Variants in P4HA3 observed in about 807,000 individuals in gnomAD.
P4HA3 encodes prolyl 4-hydroxylase subunit alpha 3.
In P4HA3, 60 loss-of-function variants were observed where a neutral mutation model predicts 66.7. The ratio of observed to expected loss-of-function variants is 0.90; its 90% CI spans 0.73 to 1.12. The LOEUF (loss-of-function observed/expected upper bound fraction) is 1.12. Ranked by LOEUF, P4HA3 falls within the 50% of genes most tolerant of loss-of-function variation. The pLI, the probability that P4HA3 is intolerant of heterozygous loss-of-function variation, is 0.00. For synonymous variants in P4HA3, 263 were observed against 274.6 expected (o/e 0.96, Z 0.42); for missense variants, 683 against 685.8 (o/e 1.00, Z 0.05).
At chr11:74,250,847 G>GGTT in intron 15 of P4HA3, 1 of 873,696 alleles carries the variant, frequency 1.1e-6, no homozygotes, top group Non-Finnish European at 1.9e-6. Context: ...ATTGAGGTGA[G>GGTT]GTTGGAAATG....
intron 1 of P4HA3, among the ~76,000 whole-genome samples, chr11:74,305,883 T>C (rs1861565999): frequency 6.6e-6 from 1 of 152,116 alleles, no homozygotes; most frequent in African/African-American, 2.4e-5. Context: ...CACAGTTTAG[T>C]GAGTAAGAAA....
At chr11:74,258,863 G>T (rs1859865601) in intron 15 of P4HA3, among the ~76,000 whole-genome samples, 1 of 151,620 alleles carries the variant, frequency 6.6e-6, no homozygotes, top group African/African-American at 2.4e-5. Flanking sequence ...AAGTATCCAA[G>T]TATAGTAAAA....
At chr11:74,254,079 A>G (rs1419102500) in intron 15 of P4HA3, 7 of 153,568 alleles carry the variant, frequency 4.6e-5, no homozygotes, top group Non-Finnish European at 5.8e-5. Context: ...GGTGGTGGAT[A>G]GCATCACAAG....
Position 74,308,627 on chromosome 11 carries a change from A to G in P4HA3, c.200+2785T>C, listed in dbSNP as rs568550153. On this transcript the variant is annotated intron_variant, in intron 1 of 12. Coordinates refer to ENST00000331597, the MANE Select transcript of P4HA3 (RefSeq NM_182904.5). ...AGTCTTCAAAATATCAAACTAAACTACAAAATTAACTGTTCATAAGTCACC... is the reference window on the plus strand; with the variant it reads ...AGTCTTCAAAATATCAAACTAAACTGCAAAATTAACTGTTCATAAGTCACC... Among the ~76,000 whole-genome samples, 3 of 152,338 alleles carry G rather than the reference A, an allele frequency of 2.0e-5. No individual in the cohort carries two copies. In the South Asian group the frequency reaches 6.2e-4, roughly 32 times the overall value.
At chr11:74,279,195 A>G (rs1012209587) in intron 8 of P4HA3, among the ~76,000 whole-genome samples, 193 bp downstream of exon 8, 3 of 152,162 alleles carry the variant, frequency 2.0e-5, no homozygotes, top group Admixed American at 6.5e-5. Flanking sequence ...TTCTAGTTAA[A>G]CCCTCAGATG....
At chr11:74,251,345 G>C in intron 15 of P4HA3, 4 of 1,354,410 alleles carry the variant, frequency 3.0e-6, no homozygotes, top group Non-Finnish European at 3.8e-6. Flanking sequence ...TAAACCACAG[G>C]CACAGTTAGG....
intron 15 of P4HA3, chr11:74,253,555 T>TA (rs1385942057): frequency 2.5e-6 from 4 of 1,571,384 alleles, no homozygotes; most frequent in Non-Finnish European, 2.6e-6. Context: ...CTGTTGTAAA[T>TA]ACGTCGCACC....
chr11:74,251,029 T>A, intron 15 of P4HA3: 1 of 1,586,406 alleles, frequency 6.3e-7, no homozygotes, highest in Non-Finnish European at 8.6e-7. Context: ...GTGAGTCTGG[T>A]GCTCAGTGAC....
chr11:74,304,064 G>A (rs1861501446), intron 2 of P4HA3, among the ~76,000 whole-genome samples: 1 of 152,130 alleles, frequency 6.6e-6, no homozygotes, highest in Admixed American at 6.5e-5. Flanking sequence ...TGAGACAATT[G>A]ATATGAAAGT....
At chr11:74,291,392 C>T (rs1257302037) in intron 4 of P4HA3, among the ~76,000 whole-genome samples, 1 of 152,164 alleles carries the variant, frequency 6.6e-6, no homozygotes, top group Admixed American at 6.5e-5. Flanking sequence ...CATCTGCAAA[C>T]AGGGACAATT....
intron 12 of P4HA3, 79 bp from the exon 13 acceptor site, chr11:74,267,397 A>G: frequency 6.5e-7 from 1 of 1,533,090 alleles, no homozygotes; most frequent in Non-Finnish European, 8.8e-7. Flanking sequence ...GTGCGCACTC[A>G]TAGGCGCGTG....
At chr11:74,310,727 C>T (rs1861711184) in intron 1 of P4HA3, among the ~76,000 whole-genome samples, 2 of 152,190 alleles carry the variant, frequency 1.3e-5, no homozygotes, top group South Asian at 4.1e-4. Flanking sequence ...ATATAGCGAC[C>T]TGTACAGTTA....
chr11:74,261,528 C>A (rs975600067), intron 14 of P4HA3, among the ~76,000 whole-genome samples: 2 of 151,874 alleles, frequency 1.3e-5, no homozygotes, highest in Non-Finnish European at 2.9e-5. Context: ...CTGACCCTAT[C>A]TGCCTAGGCA....
In P4HA3 at chr11:74,282,139, AAAAC is replaced by A. The variant is rs1191784941; in HGVS notation, c.1111-2691_1111-2688del. 3.0e-3 allele frequency among the ~76,000 whole-genome samples: 454 copies of A among 150,682 alleles called. 3 individuals are homozygous for A. The highest frequency in any genetic ancestry group is 0.028 in the Middle Eastern group (8 of 286). Reference sequence around the variant, plus strand: ...GGCAAAATCAATGGTTTAAAAAAAAAAAACAAAAAAAAACCCTAAGGAATCCCCC... The same window carrying A: ...GGCAAAATCAATGGTTTAAAAAAAAAAAAAAAAAACCCTAAGGAATCCCCC... On this transcript the variant is annotated intron_variant, in intron 7 of 12. Transcript: ENST00000331597.
Position 74,277,034 on chromosome 11 carries a change from A to C in P4HA3, c.1286T>G (p.Val429Gly). 3 of 1,614,034 alleles carry C rather than the reference A, an allele frequency of 1.9e-6. No individual in the cohort carries two copies. Among genetic ancestry groups the C allele is most frequent in the Non-Finnish European group, 2.5e-6 (3 of 1,180,010 alleles). ...RPPYAEYLQV[V>G]NYGIGGHYEP... ...ATAGTGTCCTCCGATGCCATAGTTC[A>C]CCACCTGCAGATACTCTGCATAGGG... The change falls in exon 9 of 13, where the codon GTG becomes GGG. Residue 429 changes from valine (V) to glycine (G), a missense_variant. Physicochemically the swap from Val to Gly is moderately radical, Grantham distance 109. Coordinates refer to ENST00000331597, the MANE Select transcript of P4HA3 (RefSeq NM_182904.5).
Position 74,277,145 on chromosome 11 carries a change from C to T in P4HA3, c.1176-1G>A, listed in dbSNP as rs748982284. 8.7e-6 allele frequency: 14 copies of T among 1,611,474 alleles called. No homozygotes were observed. The highest frequency in any genetic ancestry group is 1.3e-5 in the African/African-American group (1 of 74,820). The stretch of plus-strand genomic sequence containing the variant: ...GTCAACAGTGTCCTTCAGCCAGGCA[C>T]TAAAACACACCACAGATTGAAGCAT... On this transcript the variant is annotated splice_acceptor_variant, in intron 8 of 12. Transcript: ENST00000331597. LOFTEE classifies it high-confidence loss of function.
chr11:74,263,797 C>T (rs550455427), downstream of P4HA3, among the ~76,000 whole-genome samples: 19 of 152,296 alleles, frequency 1.2e-4, no homozygotes, highest in Non-Finnish European at 2.5e-4. Context: ...TTGGACAAGG[C>T]TGTTGGAAAA....
intron 2 of P4HA3, 44 bp from the exon 3 acceptor site, chr11:74,302,636 G>T (rs755548767): frequency 4.5e-6 from 7 of 1,547,100 alleles, no homozygotes; most frequent in Non-Finnish European, 6.2e-6. Flanking sequence ...CAAGAAACAG[G>T]AGTTGGGCAT....
intron 1 of P4HA3, among the ~76,000 whole-genome samples, chr11:74,307,404 C>A (rs1861610398): frequency 6.6e-6 from 1 of 152,148 alleles, no homozygotes; most frequent in African/African-American, 2.4e-5. Context: ...AAAGTGCTGT[C>A]TACTTCCTTG....
Sources: gnomAD v4.1 joint callset for allele counts (sites outside exome capture counted in the v4.1 genomes callset) on GRCh38, gnomAD v4.1.1 for gene constraint, MANE v1.5 for transcripts, NCBI Gene and HGNC (gene_info 2026-07-23, HGNC 2026-07-21) for gene names.